Variants in GSTM3 observed in about 807,000 individuals in gnomAD.
GSTM3 encodes the protein GST class-mu 3.
Under a neutral mutation model 36.1 loss-of-function variants are expected in GSTM3, and 34 were observed. That is an observed-to-expected ratio of 0.94 (90% confidence interval 0.72 to 1.25). The LOEUF (loss-of-function observed/expected upper bound fraction) is 1.25. Ranked by LOEUF, GSTM3 falls within the 50% of genes most tolerant of loss-of-function variation. GSTM3 has a pLI of 0.00. For missense variants in GSTM3, 266 were observed against 281.6 expected, an observed-to-expected ratio of 0.94 and a Z score of 0.40; for synonymous variants, 102 against 99.5, an observed-to-expected ratio of 1.03 and a Z score of -0.15.
In GSTM3 at chr1:109,739,866, A is replaced by C. The variant is rs531144676; in HGVS notation, c.91T>G (p.Ser31Ala). Residue 31 changes from serine to alanine, a missense_variant, in exon 3 of 9, where the codon TCT becomes GCT. Ser to Ala is a moderately conservative substitution (Grantham distance 99). Transcript: ENST00000361066. ...IRLLLEFTDT[S>A]YEEKRYTCGE... Reference sequence around the variant, plus strand: ...CACGTGTACCGTTTCTCCTCATAAGAGGTATCCGTGAACTCCAGGAGCAGG... The same window carrying C: ...CACGTGTACCGTTTCTCCTCATAAGCGGTATCCGTGAACTCCAGGAGCAGG... 1 of 1,555,068 alleles carries C rather than the reference A, an allele frequency of 6.4e-7. No homozygotes were observed. Among genetic ancestry groups the C allele is most frequent in the East Asian group, 2.4e-5 (1 of 41,102 alleles).
intron 2 of GSTM3, 55 bp from the exon 3 acceptor site, chr1:109,739,963 G>A (rs559015811): frequency 1.1e-4 from 143 of 1,352,294 alleles, no homozygotes; most frequent in Non-Finnish European, 1.4e-4. Flanking sequence ...CCCAACCCCC[G>A]CCCGCTAACG....
Position 109,739,471 on chromosome 1 carries a change from T to C in GSTM3, c.147A>G (p.Gln49=), listed in dbSNP as rs777894649. 1.2e-6 allele frequency: 2 copies of C among 1,612,418 alleles called. No individual in the cohort carries two copies. Among genetic ancestry groups the C allele is most frequent in the Non-Finnish European group, 8.5e-7 (1 of 1,178,810 alleles). ...CTAGCTTGAATTTCACATCCAGCCA[T>C]TGGCTTCGATCATAGTCAGGAGCTG... ...CGEAPDYDRS[Q]WLDVKFKLDL... The change falls in exon 4 of 9, where the codon CAA becomes CAG. Residue 49 remains glutamine, a synonymous_variant. Coordinates refer to ENST00000361066, the MANE Select transcript of GSTM3 (RefSeq NM_000849.5).
chr1:109,741,017 T>A lies in GSTM3; in HGVS notation c.-289A>T, dbSNP rs901664565. On this transcript the variant is annotated 5_prime_UTR_variant, in exon 1 of 9. Coordinates refer to ENST00000361066, the MANE Select transcript of GSTM3 (RefSeq NM_000849.5). ...CTTGCTGAAATGTCTGCCTATTCCT[T>A]GAAGCCTTCTCAGAACCAACCTCTA... The A allele has an allele frequency of 2.0e-5, 3 of 152,450 alleles. No homozygotes were observed. Among genetic ancestry groups the A allele is most frequent in the African/African-American group, 7.2e-5 (3 of 41,478 alleles). 9.4% of individuals were successfully genotyped at this position (152,450 alleles called of 1,614,324 possible).
chr1:109,736,649 T>C lies in GSTM3; in HGVS notation c.*422A>G, dbSNP rs1649207987. On this transcript the variant is annotated 3_prime_UTR_variant, in exon 9 of 9. Coordinates refer to ENST00000361066, the MANE Select transcript of GSTM3 (RefSeq NM_000849.5). ...GCCCACCAGTCTGAAATACTGCCTT[T>C]ATCACACTAAACTCCCATGTGTACA... 1 of 156,582 alleles carries C rather than the reference T, an allele frequency of 6.4e-6. No individual in the cohort carries two copies. Among genetic ancestry groups the C allele is most frequent in the Non-Finnish European group, 1.4e-5 (1 of 71,054 alleles). The allele number at this position is 156,582 out of a possible 1,614,324, so 9.7% of individuals were successfully genotyped here.
In GSTM3 at chr1:109,740,478, C is replaced by A; in HGVS notation, c.-191G>T. 1.7e-6 allele frequency: 1 copy of A among 599,136 alleles called. No homozygotes were observed. 37.1% of individuals were successfully genotyped at this position (599,136 alleles called of 1,614,324 possible). A position where few individuals can be genotyped will look rare whatever the true frequency, so the allele number is the denominator to read the frequency against. On this transcript the variant is annotated 5_prime_UTR_variant, in exon 2 of 9. It adds an upstream start codon to the 5' untranslated region. Transcript: ENST00000361066. ...TAATGCCGGCGTTGGGGTTCAGGGC[C>A]TGGCGACCCCGAGGCGGGACCCGGG...
Position 109,738,364 on chromosome 1 carries a change from C to A in GSTM3, c.192G>T (p.Leu64=). Reference sequence around the variant, plus strand: ...TGTTCTTCCCATCCAGGAGGTAGGGCAGCTGAAAGGAAAAGGACAGGACAA... The same window carrying A: ...TGTTCTTCCCATCCAGGAGGTAGGGAAGCTGAAAGGAAAAGGACAGGACAA... ...KFKLDLDFPN[L]PYLLDGKNKI... Residue 64 remains leucine (L), a splice_region_variant and synonymous_variant, in exon 5 of 9, where the codon CTG becomes CTT. Transcript: ENST00000361066. The A allele has an allele frequency of 6.2e-7, 1 of 1,610,840 alleles. No individual in the cohort carries two copies. Among genetic ancestry groups the A allele is most frequent in the Non-Finnish European group, 8.5e-7 (1 of 1,176,982 alleles).
chr1:109,740,689 T>A (rs1649358351), intron 1 of GSTM3, among the ~76,000 whole-genome samples, 178 bp from the exon 2 acceptor site: 1 of 152,224 alleles, frequency 6.6e-6, no homozygotes, highest in Admixed American at 6.5e-5. Context: ...CAGCCGGGGC[T>A]GGATGAAGGA....
rs1458533774 is a variant in GSTM3, at chr1:109,737,451, C to T, written c.579+6G>A. ...TTTTATAAGAGAAAGGTGCAGGAAA[C>T]GTCACCTCAAAACGGCACATGAAAG... On this transcript the variant is annotated splice_donor_region_variant and intron_variant, in intron 8 of 8. Coordinates refer to ENST00000361066, the MANE Select transcript of GSTM3 (RefSeq NM_000849.5). 6 of 1,553,730 alleles carry T rather than the reference C, an allele frequency of 3.9e-6. No individual in the cohort carries two copies. Among genetic ancestry groups the T allele is most frequent in the South Asian group, 1.1e-5 (1 of 89,806 alleles).
At chr1:109,740,678 C>G (rs1366418829) in intron 1 of GSTM3, among the ~76,000 whole-genome samples, 167 bp from the exon 2 acceptor site, 1 of 152,250 alleles carries the variant, frequency 6.6e-6, no homozygotes, top group Non-Finnish European at 1.5e-5. Flanking sequence ...TTTTACCGAG[C>G]CAGCCGGGGC....
intron 7 of GSTM3, 40 bp from the exon 8 acceptor site, chr1:109,737,607 G>A: frequency 2.6e-6 from 4 of 1,530,260 alleles, no homozygotes; most frequent in Non-Finnish European, 3.6e-6. Flanking sequence ...CTGAGGAGTA[G>A]TAGCCTGCAG....
At chr1:109,740,533 G>A (rs1400139138) in intron 1 of GSTM3, 22 bp from the exon 2 acceptor site, 3 of 546,280 alleles carry the variant, frequency 5.5e-6, no homozygotes, top group African/African-American at 4.0e-5. Context: ...CAAAGGACCC[G>A]AGGTTGAGGC....
rs909880734 is a variant in GSTM3 at position 109,734,172 on chromosome 1, G to A, written c.*2899C>T. Reference sequence around the variant, plus strand: ...ACTCCATCTTGGTTATTACCCATGAGTGCCTAAGCAAAACCCATGGGGGTG... The same window carrying A: ...ACTCCATCTTGGTTATTACCCATGAATGCCTAAGCAAAACCCATGGGGGTG... On this transcript the variant is annotated 3_prime_UTR_variant, in exon 9 of 9. Transcript: ENST00000361066. 2 of 152,218 alleles carry A rather than the reference G, an allele frequency of 1.3e-5. No homozygotes were observed. The highest frequency in any genetic ancestry group is 2.9e-5 in the Non-Finnish European group (2 of 68,044). The allele number at this position is 152,218 out of a possible 1,614,324, so 9.4% of individuals were successfully genotyped here. A position where few individuals can be genotyped will look rare whatever the true frequency, so the allele number is the denominator to read the frequency against.
rs1409292063 is a variant in GSTM3, at chr1:109,734,030, CTG to C, written c.*3039_*3040del. ...AGGTTGCCAGTAAGGCGTCTGTGTT[CTG>C]TGTCTTTTATGTGGCAGAAGCTGGG... On this transcript the variant is annotated 3_prime_UTR_variant, in exon 9 of 9. Transcript: ENST00000361066. 1 of 152,208 alleles carries C rather than the reference CTG, an allele frequency of 6.6e-6. No individual in the cohort carries two copies. Among genetic ancestry groups the C allele is most frequent in the Non-Finnish European group, 1.5e-5 (1 of 68,048 alleles). The allele number at this position is 152,208 out of a possible 1,614,324, so 9.4% of individuals were successfully genotyped here.
At position 109,735,633 on chromosome 1, in the gene GSTM3, GTTTTTTTTTTTTTTT is replaced by G. The variant is rs34865003; in HGVS notation, c.*1423_*1437del. On this transcript the variant is annotated 3_prime_UTR_variant, in exon 9 of 9. Transcript: ENST00000361066. ...CATCTTAGTATATGTCTCTTTGAAT[GTTTTTTTTTTTTTTT>G]TTTTTTTTTTTTTGAGACAGAGTCT... The G allele has an allele frequency of 9.9e-5, 6 of 60,720 alleles. No homozygotes were observed. The highest frequency in any genetic ancestry group is 8.1e-4 in the South Asian group (1 of 1,230). 3.8% of individuals were successfully genotyped at this position (60,720 alleles called of 1,614,324 possible). A position where few individuals can be genotyped will look rare whatever the true frequency, so the allele number is the denominator to read the frequency against.
chr1:109,739,556 G>A, intron 3 of GSTM3, 63 bp from the exon 4 acceptor site: 1 of 1,225,838 alleles, frequency 8.2e-7, no homozygotes, highest in African/African-American at 1.5e-5. Flanking sequence ...AAGAGCAAAA[G>A]ATCTAAAGAA....
At position 109,737,094 on chromosome 1, in the gene GSTM3, A is replaced by G. The variant is rs1570662534; in HGVS notation, c.655T>C (p.Trp219Arg). The G allele has an allele frequency of 6.2e-7, 1 of 1,611,910 alleles. No homozygotes were observed. The highest frequency in any genetic ancestry group is 8.5e-7 in the Non-Finnish European group (1 of 1,177,988). The stretch of plus-strand genomic sequence containing the variant: ...GCTCAGCATACAGGCTTGTTGCCCC[A>G]CTGGGCCATCTTGTTGTTGATGGGC... ...KMPINNKMAQ[W>R]GNKPVC The change falls in exon 9 of 9, where the codon TGG becomes CGG. Residue 219 changes from tryptophan (W) to arginine (R), a missense_variant. Coordinates refer to ENST00000361066, the MANE Select transcript of GSTM3 (RefSeq NM_000849.5).
chr1:109,738,694 T>C (rs1211409290), intron 4 of GSTM3, among the ~76,000 whole-genome samples: 1 of 152,242 alleles, frequency 6.6e-6, no homozygotes, highest in East Asian at 1.9e-4. Context: ...ATGTGCCTAT[T>C]AGTGCATTAA....
At position 109,739,633 on chromosome 1, in the gene GSTM3, A is replaced by G. The variant is rs1649307847; in HGVS notation, c.125-140T>C. 26 of 760,084 alleles carry G rather than the reference A, an allele frequency of 3.4e-5. No individual in the cohort carries two copies. In the South Asian group the frequency reaches 4.2e-4, roughly 12 times the overall value. The allele number at this position is 760,084 out of a possible 1,614,324, so 47.1% of individuals were successfully genotyped here. A position where few individuals can be genotyped will look rare whatever the true frequency, so the allele number is the denominator to read the frequency against. ...CATAACCATTGAGCCTCTGAGCCCT[A>G]TTTGGTTAAGCATTAAGACGGGTTT... On this transcript the variant is annotated intron_variant, in intron 3 of 8. Coordinates refer to ENST00000361066, the MANE Select transcript of GSTM3 (RefSeq NM_000849.5).
intron 2 of GSTM3, 85 bp from the exon 3 acceptor site, chr1:109,739,993 C>T: frequency 1.7e-6 from 2 of 1,143,808 alleles, no homozygotes; most frequent in Non-Finnish European, 2.5e-6. Context: ...CCGGGGCTGC[C>T]GAGTCCCTGC....
Sources: gnomAD v4.1 joint callset for allele counts (sites outside exome capture counted in the v4.1 genomes callset) on GRCh38, gnomAD v4.1.1 for gene constraint, MANE v1.5 for transcripts, NCBI Gene and HGNC (gene_info 2026-07-23, HGNC 2026-07-21) for gene names.